HERC1: variants seen among roughly 807,000 people sequenced by gnomAD.
HERC1 encodes the protein probable E3 ubiquitin-protein ligase HERC1.
A neutral mutation model predicts 554.3 loss-of-function variants in HERC1; 160 were observed. The ratio of observed to expected loss-of-function variants is 0.29; its 90% confidence interval spans 0.25 to 0.33. The LOEUF is 0.33. HERC1 is among the 10% of genes least tolerant of loss of function. The pLI, the probability that HERC1 is intolerant of heterozygous loss-of-function variation, is 1.00. For synonymous variants in HERC1, 2,175 were observed against 2,131.7 expected, an observed-to-expected ratio of 1.02 and a Z score of -0.56; for missense variants, 4,919 against 5,918.5, an observed-to-expected ratio of 0.83 and a Z score of 5.54.
At chr15:63,738,116 C>T (rs1442217907) in intron 12 of HERC1, among the ~76,000 whole-genome samples, 3 of 152,126 alleles carry the variant, frequency 2.0e-5, no homozygotes, top group Non-Finnish European at 4.4e-5. Flanking sequence ...TCATTAACCT[C>T]ATGTAATAAC....
intron 12 of HERC1, among the ~76,000 whole-genome samples, chr15:63,739,219 A>G (rs1455289039): frequency 2.1e-4 from 10 of 47,772 alleles, no homozygotes; most frequent in Admixed American, 6.3e-4. Context: ...TTTTTTTTAG[A>G]TGGAGACTCG....
In HERC1 at chr15:63,712,660, T is replaced by G. The variant is rs184802477; in HGVS notation, c.4584+115A>C. The G allele has an allele frequency of 1.5e-4, 127 of 861,336 alleles. No homozygotes were observed. In the East Asian group the frequency reaches 3.4e-3, roughly 23 times the overall value. 53.4% of individuals were successfully genotyped at this position (861,336 alleles called of 1,614,324 possible). A position where few individuals can be genotyped will look rare whatever the true frequency, so the allele number is the denominator to read the frequency against. On this transcript the variant is annotated intron_variant, in intron 24 of 77. Coordinates refer to ENST00000443617, the MANE Select transcript of HERC1 (RefSeq NM_003922.4). ...TATAGTTATTTCTCTTAAAGTTATTTTTGAAAAAATTTTTATATGTCTAAA... is the reference window on the plus strand; with the variant it reads ...TATAGTTATTTCTCTTAAAGTTATTGTTGAAAAAATTTTTATATGTCTAAA...
At chr15:63,753,140 T>C in intron 7 of HERC1, 55 bp from the exon 8 acceptor site, 1 of 1,356,600 alleles carries the variant, frequency 7.4e-7, no homozygotes, top group Non-Finnish European at 1.0e-6. Flanking sequence ...CTCTACTCTT[T>C]TTAACACTAC....
At position 63,690,649 on chromosome 15, in the gene HERC1, T is replaced by C. The variant is rs1316563959; in HGVS notation, c.5831-2A>G. 1 of 1,558,958 alleles carries C rather than the reference T, an allele frequency of 6.4e-7. No individual in the cohort carries two copies. Among genetic ancestry groups the C allele is most frequent in the Admixed American group, 1.7e-5 (1 of 58,104 alleles). ...TTAAGTTACCAACCAGAGGGATACCTGGAGGGGAAAAGACCTTTTCTTATT... is the reference window on the plus strand; with the variant it reads ...TTAAGTTACCAACCAGAGGGATACCCGGAGGGGAAAAGACCTTTTCTTATT... On this transcript the variant is annotated splice_acceptor_variant, in intron 31 of 77. Coordinates refer to ENST00000443617, the MANE Select transcript of HERC1 (RefSeq NM_003922.4). LOFTEE classifies it high-confidence loss of function.
At chr15:63,719,475 T>C (rs1270507505) in intron 19 of HERC1, among the ~76,000 whole-genome samples, 2 of 152,152 alleles carry the variant, frequency 1.3e-5, no homozygotes, top group Non-Finnish European at 2.9e-5. Context: ...CCAGTACAAG[T>C]CCTCCAGGTT....
At chr15:63,730,666 T>C (rs1488699378) in intron 14 of HERC1, among the ~76,000 whole-genome samples, 1 of 152,250 alleles carries the variant, frequency 6.6e-6, no homozygotes, top group Non-Finnish European at 1.5e-5. Context: ...ATTCTCTTGT[T>C]ACATAAGAAA....
intron 14 of HERC1, among the ~76,000 whole-genome samples, chr15:63,729,893 T>A (rs780394889): frequency 5.9e-5 from 9 of 151,556 alleles, no homozygotes; most frequent in Non-Finnish European, 1.2e-4. Context: ...GGCGTGGTGG[T>A]GGGTGCCTGT....
intron 51 of HERC1, among the ~76,000 whole-genome samples, chr15:63,653,443 T>C (rs1278719143): frequency 2.0e-5 from 3 of 152,104 alleles, no homozygotes; most frequent in Non-Finnish European, 4.4e-5. Flanking sequence ...AAAAAAAAAC[T>C]GTTTAAGTAA....
chr15:63,659,615 G>T, intron 47 of HERC1, 121 bp downstream of exon 47: 1 of 713,186 alleles, frequency 1.4e-6, no homozygotes, highest in South Asian at 1.9e-5. Context: ...GACTTGTTGG[G>T]GTGAGATAAT....
chr15:63,812,220 G>A (rs2077346056), intron 1 of HERC1, among the ~76,000 whole-genome samples: 1 of 152,146 alleles, frequency 6.6e-6, no homozygotes, highest in African/African-American at 2.4e-5. Context: ...GGAAGCTAAA[G>A]GGCAGCGAAT....
At chr15:63,610,963 A>C (rs778608292) in intron 77 of HERC1, among the ~76,000 whole-genome samples, 23 of 152,154 alleles carry the variant, frequency 1.5e-4, no homozygotes, top group Non-Finnish European at 2.5e-4. Context: ...GGAGAGAAGG[A>C]GTCTGGCTAG....
chr15:63,828,590 C>T (rs1393397742), intron 1 of HERC1, among the ~76,000 whole-genome samples: 2 of 152,136 alleles, frequency 1.3e-5, no homozygotes, highest in South Asian at 2.1e-4. Context: ...CCGCCCTCCT[C>T]GGCCTCCCAA....
In HERC1 at chr15:63,758,176, G is replaced by A. The variant is rs903117771; in HGVS notation, c.1220C>T (p.Thr407Ile). 23 of 1,593,238 alleles carry A rather than the reference G, an allele frequency of 1.4e-5. No individual in the cohort carries two copies. The highest frequency in any genetic ancestry group is 2.7e-5 in the African/African-American group (2 of 74,588). Residue 407 changes from threonine to isoleucine, a missense_variant and splice_region_variant, in exon 4 of 78, where the codon ACC becomes ATC. Transcript: ENST00000443617. This position sits in a 1 kb window ranked among gnomAD's most constrained non-coding sequence, Gnocchi z 4.0. ...TTGTAAGCTATTTAGAAAACTTACG[G>A]TCTGTGCATCAGAGAAACTAGGAGC... ...KLAPSFSDAQ[T>I]IEAGQYCTFV...
In HERC1 at chr15:63,694,393, G is replaced by C; in HGVS notation, c.5399C>G (p.Pro1800Arg). 2 of 1,613,912 alleles carry C rather than the reference G, an allele frequency of 1.2e-6. No homozygotes were observed. The highest frequency in any genetic ancestry group is 1.7e-6 in the Non-Finnish European group (2 of 1,179,880). Residue 1800 changes from proline to arginine, a missense_variant, in exon 29 of 78, where the codon CCA becomes CGA. By Grantham distance (103) the Pro-to-Arg change is moderately radical. This residue lies in a region of HERC1 where 1,121 missense variants were observed against 1,244.0 expected (regional missense o/e 0.90). Coordinates refer to ENST00000443617, the MANE Select transcript of HERC1 (RefSeq NM_003922.4). The surrounding 1 kb of genome is among the most constrained non-coding windows in gnomAD (Gnocchi z 4.3). ...GCTAAGCTGGGAAACACCCGTCTTT[G>C]GCAACAACTGCAGGGGCTGTCCTAG... ...TMLGQPLQLLPKTGVSQLSTA... is the reference protein window; with the variant it reads ...TMLGQPLQLLRKTGVSQLSTA...
chr15:63,813,040 C>T (rs1333398354), intron 1 of HERC1, among the ~76,000 whole-genome samples: 1 of 152,136 alleles, frequency 6.6e-6, no homozygotes, highest in Non-Finnish European at 1.5e-5. Flanking sequence ...TTACCATCAA[C>T]TTACAATCAA....
intron 70 of HERC1, among the ~76,000 whole-genome samples, chr15:63,626,739 G>T (rs572511682): frequency 2.0e-5 from 3 of 152,104 alleles, no homozygotes; most frequent in Non-Finnish European, 4.4e-5. Flanking sequence ...ACACATAAAA[G>T]AATAAAAACA....
intron 1 of HERC1, among the ~76,000 whole-genome samples, chr15:63,792,254 C>T (rs919212304): frequency 2.0e-5 from 3 of 152,062 alleles, no homozygotes; most frequent in African/African-American, 7.2e-5. Flanking sequence ...TTCTCCAGGC[C>T]TCATCTAAAA....
chr15:63,830,271 C>A (rs894007620), intron 1 of HERC1, among the ~76,000 whole-genome samples: 2 of 152,164 alleles, frequency 1.3e-5, no homozygotes, highest in African/African-American at 4.8e-5. Context: ...ACACCATGTA[C>A]CCCCAATATG....
chr15:63,763,999 G>A (rs1204835531), intron 3 of HERC1, 97 bp downstream of exon 3: 13 of 522,764 alleles, frequency 2.5e-5, no homozygotes, highest in Non-Finnish European at 3.5e-5. Flanking sequence ...TCCTTTTGTA[G>A]CTTTTCCAGA....
Sources: allele counts gnomAD v4.1 joint callset (sites outside exome capture counted in the v4.1 genomes callset), GRCh38; gene constraint gnomAD v4.1.1; regional missense constraint gnomAD v4.1.1; non-coding constraint Gnocchi (gnomAD v3.1); transcripts MANE v1.5; gene names NCBI Gene and HGNC (gene_info 2026-07-23, HGNC 2026-07-21).